The following PDE4D variants were observed in gnomAD, a reference collection of about 807,000 sequenced individuals.
PDE4D encodes phosphodiesterase 4D, also known as 3',5'-cyclic-AMP phosphodiesterase 4D.
A neutral mutation model predicts 87.4 loss-of-function variants in PDE4D; 24 were observed. The ratio of observed to expected loss-of-function variants is 0.27; its 90% CI spans 0.20 to 0.39. The LOEUF (loss-of-function observed/expected upper bound fraction) is 0.39. Ranked by LOEUF, PDE4D falls within the 10% of genes least tolerant of loss-of-function variation. The pLI is 1.00. For missense variants in PDE4D, 714 were observed against 1,041.0 expected (o/e 0.69, Z 4.32); for synonymous variants, 384 against 383.2 (o/e 1.00, Z -0.02).
chr5:59,502,649 T>C (rs1316878797), intron 1 of PDE4D, among the ~76,000 whole-genome samples: 2 of 150,436 alleles, frequency 1.3e-5, no homozygotes, highest in Non-Finnish European at 3.0e-5. Flanking sequence ...GATAATTTCT[T>C]TATTCCTTAA....
At chr5:59,370,017 T>C (rs923406480) in intron 1 of PDE4D, among the ~76,000 whole-genome samples, 1 of 152,200 alleles carries the variant, frequency 6.6e-6, no homozygotes, top group Admixed American at 6.5e-5. Flanking sequence ...TCTCTCACTC[T>C]ATGTAAAAAT....
intron 1 of PDE4D, among the ~76,000 whole-genome samples, chr5:60,351,781 T>TTTTATTTA (rs144196649): frequency 0.07 from 10,362 of 147,144 alleles, 434 homozygotes; most frequent in South Asian, 0.15. Context: ...CACCTAATTA[T>TTTTATTTA]TTTATTTATT....
chr5:59,388,851 C>G (rs900473346), intron 1 of PDE4D, among the ~76,000 whole-genome samples: 1 of 152,004 alleles, frequency 6.6e-6, no homozygotes, highest in Non-Finnish European at 1.5e-5. Context: ...CTTAGGAACT[C>G]AAACGATGTA....
At chr5:59,142,809 C>T (rs143212444) in intron 5 of PDE4D, among the ~76,000 whole-genome samples, 1 of 152,014 alleles carries the variant, frequency 6.6e-6, no homozygotes, top group Non-Finnish European at 1.5e-5. Context: ...CCCAGCTACT[C>T]GGGAGGCTGA....
intron 1 of PDE4D, among the ~76,000 whole-genome samples, chr5:59,447,152 T>C (rs1798473671): frequency 6.6e-6 from 1 of 152,290 alleles, no homozygotes; most frequent in East Asian, 1.9e-4. Context: ...ATGTAGACTT[T>C]CGAGTTCATG....
chr5:59,606,939 G>T (rs867750615), intron 1 of PDE4D, among the ~76,000 whole-genome samples: 6 of 151,872 alleles, frequency 4.0e-5, no homozygotes, highest in Non-Finnish European at 7.4e-5. Flanking sequence ...CTTACAGAAG[G>T]GGGGGAAGGG....
At chr5:60,348,666 T>C (rs1004890900) in intron 1 of PDE4D, among the ~76,000 whole-genome samples, 30 of 152,162 alleles carry the variant, frequency 2.0e-4, no homozygotes, top group Non-Finnish European at 4.4e-5. Flanking sequence ...CATGGAACTC[T>C]AGAATATTTG....
chr5:59,180,542 C>T, intron 5 of PDE4D, 53 bp downstream of exon 5: 2 of 1,469,338 alleles, frequency 1.4e-6, no homozygotes, highest in African/African-American at 1.4e-5. Context: ...TGACTCTTGG[C>T]AGAAATGGTT....
intron 6 of PDE4D, among the ~76,000 whole-genome samples, chr5:59,017,727 A>T (rs1181717613): frequency 1.3e-5 from 2 of 152,214 alleles, no homozygotes; most frequent in Non-Finnish European, 1.5e-5. Context: ...TTCCTTATCC[A>T]AGGCCGCATA....
chr5:59,080,258 C>A (rs1702871492), intron 5 of PDE4D, among the ~76,000 whole-genome samples: 1 of 152,160 alleles, frequency 6.6e-6, no homozygotes, highest in South Asian at 2.1e-4. Context: ...TGCTTTGAAA[C>A]ACAAATAAGT....
At chr5:59,328,436 T>C (rs918425216) in intron 1 of PDE4D, among the ~76,000 whole-genome samples, 15 of 152,222 alleles carry the variant, frequency 9.9e-5, no homozygotes, top group Admixed American at 7.9e-4. Flanking sequence ...GCACACTTCC[T>C]AGCTAGCATT....
chr5:59,032,535 T>C (rs948674245), intron 6 of PDE4D, among the ~76,000 whole-genome samples: 1 of 152,148 alleles, frequency 6.6e-6, no homozygotes, highest in African/African-American at 2.4e-5. Flanking sequence ...GCTGAGATCG[T>C]ATCACTGTAC....
At chr5:59,035,411 T>C (rs1170016973) in intron 6 of PDE4D, among the ~76,000 whole-genome samples, 2 of 152,220 alleles carry the variant, frequency 1.3e-5, no homozygotes, top group Non-Finnish European at 2.9e-5. Flanking sequence ...AAATGTGCGC[T>C]ATAGACAGTT....
chr5:59,935,965 T>C (rs1212340427), intron 3 of PDE4D, among the ~76,000 whole-genome samples: 2 of 152,226 alleles, frequency 1.3e-5, no homozygotes, highest in Non-Finnish European at 2.9e-5. Context: ...CCTTTGGGTA[T>C]ATACCCAGTA....
chr5:60,445,409 C>T (rs147489033), intron 1 of PDE4D, among the ~76,000 whole-genome samples: 25 of 152,154 alleles, frequency 1.6e-4, no homozygotes, highest in African/African-American at 6.0e-4. Flanking sequence ...ATCATTATTC[C>T]ACTGGCAAGT....
intron 1 of PDE4D, among the ~76,000 whole-genome samples, chr5:60,471,560 T>G (rs1157863970): frequency 6.6e-6 from 1 of 152,168 alleles, no homozygotes; most frequent in African/African-American, 2.4e-5. Flanking sequence ...CATTGTTGTC[T>G]TATTTCATGC....
chr5:59,734,813 T>C (rs1397936794), intron 1 of PDE4D, among the ~76,000 whole-genome samples: 1 of 152,158 alleles, frequency 6.6e-6, no homozygotes, highest in Non-Finnish European at 1.5e-5. Context: ...GTTCAGAGAT[T>C]AACCTGAGTG....
chr5:59,356,382 A>G (rs1288165832), intron 1 of PDE4D, among the ~76,000 whole-genome samples: 1 of 152,180 alleles, frequency 6.6e-6, no homozygotes, highest in African/African-American at 2.4e-5. Context: ...GTGCCCTGAA[A>G]CACTTATGAA....
chr5:59,521,840 C>G (rs1812307184), intron 1 of PDE4D, among the ~76,000 whole-genome samples: 1 of 152,084 alleles, frequency 6.6e-6, no homozygotes, highest in Non-Finnish European at 1.5e-5. Context: ...ATCTGTCACC[C>G]CAGAATGTAG....
Sources: allele counts gnomAD v4.1 joint callset (sites outside exome capture counted in the v4.1 genomes callset), GRCh38; gene constraint gnomAD v4.1.1; transcripts MANE v1.5; gene names NCBI Gene and HGNC (gene_info 2026-07-23, HGNC 2026-07-21).